The following CTNNA3 variants were observed in gnomAD, a reference collection of about 807,000 sequenced individuals.
CTNNA3 encodes catenin alpha-3.
In CTNNA3, 76 loss-of-function variants were observed where a neutral mutation model predicts 95.7. The observed-to-expected ratio is 0.79, with a 90% CI of 0.66 to 0.96. CTNNA3 has a LOEUF of 0.96. CTNNA3 is among the 40% of genes least tolerant of loss of function. CTNNA3 has a pLI of 0.00. For synonymous variants in CTNNA3, 431 were observed against 374.4 expected (o/e 1.15, Z -1.74); for missense variants, 1,191 against 1,089.8 (o/e 1.09, Z -1.31).
At chr10:66,271,648 G>C (rs964163921) in intron 13 of CTNNA3, among the ~76,000 whole-genome samples, 2 of 152,108 alleles carry the variant, frequency 1.3e-5, no homozygotes, top group Admixed American at 6.6e-5. Context: ...TTTTCAAAGG[G>C]AGATGCTTGG....
intron 11 of CTNNA3, among the ~76,000 whole-genome samples, chr10:66,497,544 C>T (rs1840138626): frequency 6.6e-6 from 1 of 151,880 alleles, no homozygotes; most frequent in South Asian, 2.1e-4. Context: ...TAATTCATTT[C>T]ACCATATTGA....
chr10:67,557,919 G>T (rs1232090824), intron 3 of CTNNA3, among the ~76,000 whole-genome samples: 1 of 152,160 alleles, frequency 6.6e-6, no homozygotes, highest in African/African-American at 2.4e-5. Context: ...AAGAACAAAT[G>T]CTTCTGCCAC....
intron 11 of CTNNA3, among the ~76,000 whole-genome samples, chr10:66,380,599 CCCTA>C (rs1171926779): frequency 6.1e-5 from 7 of 114,842 alleles, no homozygotes; most frequent in African/African-American, 1.1e-4. Flanking sequence ...TAGAGTGAGG[CCCTA>C]TCTATCTATC....
chr10:67,392,584 C>G (rs946994666), intron 5 of CTNNA3, among the ~76,000 whole-genome samples: 1 of 152,326 alleles, frequency 6.6e-6, no homozygotes, highest in African/African-American at 2.4e-5. Context: ...ATAAATCATG[C>G]TGCTATAAAG....
chr10:66,708,988 C>A (rs1224884591), intron 9 of CTNNA3, among the ~76,000 whole-genome samples: 1 of 152,020 alleles, frequency 6.6e-6, no homozygotes, highest in Non-Finnish European at 1.5e-5. Flanking sequence ...ATACTTATCA[C>A]CTCACCAAGT....
At chr10:67,711,892 G>C (rs534583870) in intron 1 of CTNNA3, among the ~76,000 whole-genome samples, 1 of 151,868 alleles carries the variant, frequency 6.6e-6, no homozygotes, top group African/African-American at 2.4e-5. Context: ...TTTCATCCAT[G>C]TCCCTACAAA....
intron 7 of CTNNA3, among the ~76,000 whole-genome samples, chr10:67,079,239 T>C (rs1272022452): frequency 6.6e-6 from 1 of 152,196 alleles, no homozygotes; most frequent in Non-Finnish European, 1.5e-5. Context: ...AGAAACTCTG[T>C]GTTATAGAAC....
chr10:66,433,432 G>C (rs1215721614), intron 11 of CTNNA3, among the ~76,000 whole-genome samples: 1 of 152,082 alleles, frequency 6.6e-6, no homozygotes, highest in Non-Finnish European at 1.5e-5. Flanking sequence ...TTTGTTGGCT[G>C]CATAAATGTC....
chr10:66,907,176 T>C (rs1012685738), intron 7 of CTNNA3, among the ~76,000 whole-genome samples: 14 of 152,306 alleles, frequency 9.2e-5, no homozygotes, highest in African/African-American at 3.4e-4. Flanking sequence ...CTTTCATTTC[T>C]ATTTTCTAGG....
At chr10:67,400,165 C>T (rs192929501) in intron 5 of CTNNA3, among the ~76,000 whole-genome samples, 66 of 148,240 alleles carry the variant, frequency 4.5e-4, no homozygotes, top group Non-Finnish European at 8.9e-4. Flanking sequence ...TTTAAAATCA[C>T]AGAAACTCTT....
At chr10:67,384,879 T>C (rs1447899137) in intron 5 of CTNNA3, among the ~76,000 whole-genome samples, 2 of 152,218 alleles carry the variant, frequency 1.3e-5, no homozygotes, top group African/African-American at 4.8e-5. Context: ...ATTATTCCCC[T>C]TTGCCTATTT....
intron 6 of CTNNA3, among the ~76,000 whole-genome samples, chr10:67,211,146 A>C (rs181903676): frequency 5.3e-5 from 8 of 152,124 alleles, no homozygotes; most frequent in Non-Finnish European, 1.0e-4. Flanking sequence ...GAAATAGAGA[A>C]CAAGTACCTA....
At chr10:66,145,967 C>A (rs1227727842) in intron 13 of CTNNA3, among the ~76,000 whole-genome samples, 1 of 152,150 alleles carries the variant, frequency 6.6e-6, no homozygotes, top group African/African-American at 2.4e-5. Flanking sequence ...GATTCTCCTG[C>A]CTCAGCCTCC....
At chr10:66,752,764 G>T (rs1839197965) in intron 9 of CTNNA3, among the ~76,000 whole-genome samples, 3 of 151,750 alleles carry the variant, frequency 2.0e-5, no homozygotes, top group Admixed American at 2.0e-4. Flanking sequence ...TAAAATAAAA[G>T]ATATCCACTT....
At position 66,032,473 on chromosome 10, in the gene CTNNA3, A is replaced by AT. The variant is rs200963857; in HGVS notation, c.2159+36834dup. ...ATGACAGATTTAAATAATACTGCAG[A>AT]TTTTTTTTTCCACAGTCCAGTGGTT... On this transcript the variant is annotated intron_variant, in intron 15 of 17. Coordinates refer to ENST00000433211, the MANE Select transcript of CTNNA3 (RefSeq NM_013266.4). Among the ~76,000 whole-genome samples the AT allele has an allele frequency of 2.1e-3, 321 of 151,858 alleles. 1 individual carries two copies. Among genetic ancestry groups the AT allele is most frequent in the African/African-American group, 7.4e-3 (306 of 41,454 alleles).
chr10:67,710,820 A>T (rs1417775359), intron 1 of CTNNA3, among the ~76,000 whole-genome samples: 1 of 152,234 alleles, frequency 6.6e-6, no homozygotes, highest in East Asian at 1.9e-4. Context: ...CCTGGAGAAC[A>T]GGATCCAAAG....
chr10:67,286,166 TCTC>T (rs1839596618), intron 5 of CTNNA3, among the ~76,000 whole-genome samples: 1 of 152,216 alleles, frequency 6.6e-6, no homozygotes. Flanking sequence ...ACATCTGCCT[TCTC>T]CTAGAGACTT....
In CTNNA3 at chr10:67,003,354, G is replaced by C. The variant is rs140815596; in HGVS notation, c.1047+176963C>G. Among the ~76,000 whole-genome samples the C allele has an allele frequency of 2.2e-4, 33 of 152,236 alleles. No individual in the cohort carries two copies. The East Asian group carries it at 6.0e-3, about 28-fold the overall frequency. ...TTGAACTATTCCTGGCATAAAAAGA[G>C]CTTCACATACTGTACAAAGTCTTCA... On this transcript the variant is annotated intron_variant, in intron 7 of 17. Transcript: ENST00000433211.
intron 7 of CTNNA3, chr10:66,928,539 G>T (rs916945376): frequency 2.4e-6 from 3 of 1,256,816 alleles, no homozygotes; most frequent in Non-Finnish European, 3.3e-6. Context: ...AAGGGAACGC[G>T]ATGCCCCCCC....
Sources: allele counts gnomAD v4.1 joint callset (sites outside exome capture counted in the v4.1 genomes callset), GRCh38; gene constraint gnomAD v4.1.1; transcripts MANE v1.5; gene names NCBI Gene and HGNC (gene_info 2026-07-23, HGNC 2026-07-21).